Variants in ZC3H12B observed in about 807,000 individuals in gnomAD.
ZC3H12B encodes zinc finger CCCH-type containing 12B.
A neutral mutation model predicts 43.9 loss-of-function variants in ZC3H12B; 7 were observed. That is an observed-to-expected ratio of 0.16 (90% confidence interval 0.09 to 0.30). The LOEUF is 0.30. Ranked by LOEUF, ZC3H12B falls within the 10% of genes least tolerant of loss-of-function variation. ZC3H12B has a pLI of 1.00. For synonymous variants in ZC3H12B, 222 were observed against 241.7 expected (o/e 0.92, Z 0.76); for missense variants, 475 against 670.2 (o/e 0.71, Z 3.22).
the ZC3H12B span, among the ~76,000 whole-genome samples, chrX:65,155,376 A>G: frequency 1.8e-5 from 2 of 111,312 alleles, no homozygotes; most frequent in African/African-American, 6.5e-5. Context: ...AATGTGAAAT[A>G]CATTACCAGA....
chrX:65,467,784 T>A (rs1477388257), intron 3 of ZC3H12B, among the ~76,000 whole-genome samples: 2 of 112,529 alleles, frequency 1.8e-5, no homozygotes, highest in Non-Finnish European at 3.8e-5. Flanking sequence ...ACTTGCCCAC[T>A]TTTTGATGGC....
intron 2 of ZC3H12B, among the ~76,000 whole-genome samples, chrX:65,375,489 C>T (rs986050375): frequency 8.0e-5 from 9 of 112,052 alleles, no homozygotes; most frequent in East Asian, 2.8e-4. Flanking sequence ...TGCCACATCG[C>T]GCCCAACCCT....
At chrX:65,224,618 A>C in the ZC3H12B span, among the ~76,000 whole-genome samples, 14 of 112,082 alleles carry the variant, frequency 1.2e-4, no homozygotes, top group East Asian at 2.8e-4. Context: ...TCCCTTTCCT[A>C]GTCAAAGAAA....
At chrX:65,191,554 C>T in the ZC3H12B span, among the ~76,000 whole-genome samples, 1 of 102,477 alleles carries the variant, frequency 9.8e-6, no homozygotes, top group Non-Finnish European at 1.9e-5. Context: ...AGTAATTTAT[C>T]CATTTCTTCT....
At chrX:65,135,785 T>C in the ZC3H12B span, among the ~76,000 whole-genome samples, 1 of 107,414 alleles carries the variant, frequency 9.3e-6, no homozygotes, top group Non-Finnish European at 1.9e-5. Context: ...TTTTCTGCCT[T>C]CCAGTTTACT....
chrX:65,164,931 G>C, the ZC3H12B span, among the ~76,000 whole-genome samples: 1 of 111,869 alleles, frequency 8.9e-6, no homozygotes, highest in Non-Finnish European at 1.9e-5. Context: ...ACATAAATCA[G>C]AAAATAAAAT....
At chrX:65,404,808 A>T (rs976682838) in intron 3 of ZC3H12B, among the ~76,000 whole-genome samples, 10 of 112,237 alleles carry the variant, frequency 8.9e-5, no homozygotes, top group African/African-American at 3.2e-4. Context: ...AAGACAGAAA[A>T]TCAACAAAGA....
chrX:65,431,176 A>G (rs1228249037), intron 3 of ZC3H12B, among the ~76,000 whole-genome samples: 1 of 112,665 alleles, frequency 8.9e-6, no homozygotes, highest in Non-Finnish European at 1.9e-5. Context: ...TGTGTGGAAT[A>G]CCATGATGGT....
At chrX:65,443,415 GACAC>G (rs2067331436) in intron 3 of ZC3H12B, among the ~76,000 whole-genome samples, 1 of 111,563 alleles carries the variant, frequency 9.0e-6, no homozygotes, top group African/African-American at 3.3e-5. Flanking sequence ...AGGAATTAAA[GACAC>G]ACACACAGAA....
chrX:65,049,483 G>A, the ZC3H12B span, among the ~76,000 whole-genome samples: 1 of 111,358 alleles, frequency 9.0e-6, no homozygotes, highest in Admixed American at 9.6e-5. Flanking sequence ...TTGACTGCAT[G>A]TGTGTGCGTT....
chrX:65,039,079 A>G, the ZC3H12B span, among the ~76,000 whole-genome samples: 1 of 111,882 alleles, frequency 8.9e-6, no homozygotes, highest in Non-Finnish European at 1.9e-5. Flanking sequence ...GGAGACTACC[A>G]TTCCTTCTTA....
At chrX:65,476,306 A>T (rs1465911785) in intron 3 of ZC3H12B, among the ~76,000 whole-genome samples, 1 of 110,665 alleles carries the variant, frequency 9.0e-6, no homozygotes, top group East Asian at 2.8e-4. Context: ...CATTCTTTTT[A>T]CTTTTTGTCT....
chrX:65,389,043 C>A (rs1375126828), intron 2 of ZC3H12B, among the ~76,000 whole-genome samples: 1 of 111,931 alleles, frequency 8.9e-6, no homozygotes, highest in East Asian at 2.8e-4. Context: ...GTCAGTCTTC[C>A]CCTACTGGGG....
At chrX:65,445,066 C>A (rs1308732851) in intron 3 of ZC3H12B, among the ~76,000 whole-genome samples, 2 of 112,092 alleles carry the variant, frequency 1.8e-5, no homozygotes. Context: ...AAAATTATTT[C>A]TATTTCTTTG....
At chrX:65,182,913 C>T in the ZC3H12B span, among the ~76,000 whole-genome samples, 1 of 111,609 alleles carries the variant, frequency 9.0e-6, no homozygotes, top group African/African-American at 3.3e-5. Context: ...ATTAAGAAGT[C>T]AAAATGAACA....
At chrX:65,337,464 G>A in the ZC3H12B span, among the ~76,000 whole-genome samples, 7 of 112,474 alleles carry the variant, frequency 6.2e-5, no homozygotes, top group East Asian at 1.7e-3. Context: ...GGTAGATATA[G>A]CTAATAATCG....
chrX:65,154,115 G>T, the ZC3H12B span, among the ~76,000 whole-genome samples: 3 of 111,136 alleles, frequency 2.7e-5, no homozygotes, highest in Middle Eastern at 9.3e-3. Context: ...AACATTAGGA[G>T]ATATACCTAA....
the ZC3H12B span, among the ~76,000 whole-genome samples, chrX:65,067,185 TA>T: frequency 1.1e-3 from 108 of 100,823 alleles, no homozygotes; most frequent in Middle Eastern, 5.0e-3. Context: ...GCCACTCTGT[TA>T]AAAAAAAAAA....
chrX:65,502,289 G>T, exon 5 of ZC3H12B: 1 of 1,211,476 alleles, frequency 8.3e-7, no homozygotes, highest in Non-Finnish European at 1.1e-6. Flanking sequence ...TATTAGCTAT[G>T]CTGAGCAATA....
Sources: allele counts gnomAD v4.1 joint callset (sites outside exome capture counted in the v4.1 genomes callset), GRCh38; gene constraint gnomAD v4.1.1; transcripts MANE v1.5; gene names NCBI Gene and HGNC (gene_info 2026-07-23, HGNC 2026-07-21).